The following PPP2R2B variants were observed in gnomAD, a reference collection of about 807,000 sequenced individuals.
PPP2R2B encodes protein phosphatase 2 regulatory subunit Bbeta.
Under a neutral mutation model 46.0 loss-of-function variants are expected in PPP2R2B, and 5 were observed. The observed-to-expected ratio is 0.11, with a 90% confidence interval of 0.06 to 0.23. The LOEUF is 0.23. Among genes scored for constraint, PPP2R2B ranks in the 10% least tolerant of loss-of-function variants. The probability of loss-of-function intolerance (pLI) is 1.00; values close to 1 mark genes in which losing one functional copy is unlikely to be tolerated. For synonymous variants in PPP2R2B, 215 were observed against 206.7 expected, an observed-to-expected ratio of 1.04 and a Z score of -0.34; for missense variants, 367 against 575.0, an observed-to-expected ratio of 0.64 and a Z score of 3.70.
Position 146,581,068 on chromosome 5 carries a change from C to T in PPP2R2B, c.*8879G>A, listed in dbSNP as rs1769873359. The stretch of plus-strand genomic sequence containing the variant: ...ATTCTCGAGTTTCAGCTGATTCTTT[C>T]ATCAAGAAACATCACAAATTACCTC... On this transcript the variant is annotated 3_prime_UTR_variant, in exon 10 of 10. Coordinates refer to ENST00000394411, the MANE Select transcript of PPP2R2B (RefSeq NM_181675.4). 1 of 152,142 alleles carries T rather than the reference C, an allele frequency of 6.6e-6. No homozygotes were observed. The highest frequency in any genetic ancestry group is 2.4e-5 in the African/African-American group (1 of 41,438). The allele number at this position is 152,142 out of a possible 1,614,324, so 9.4% of individuals were successfully genotyped here.
intron 1 of PPP2R2B, among the ~76,000 whole-genome samples, chr5:146,890,126 G>T (rs1022112496): frequency 6.6e-6 from 1 of 152,178 alleles, no homozygotes; most frequent in African/African-American, 2.4e-5. Context: ...AATTAAGTTG[G>T]CTTAACTCTC....
chr5:146,993,206 G>A (rs6875159), intron 1 of PPP2R2B, among the ~76,000 whole-genome samples: 307 of 151,158 alleles, frequency 2.0e-3, no homozygotes, highest in African/African-American at 7.1e-3. Flanking sequence ...GCCTCCCAAA[G>A]TGCTGGGGTT....
chr5:146,991,410 AGAGGCTAGGGATGG>A (rs1487840172), intron 1 of PPP2R2B, among the ~76,000 whole-genome samples: 1 of 152,150 alleles, frequency 6.6e-6, no homozygotes, highest in Non-Finnish European at 1.5e-5. Context: ...AGTGATTACC[AGAGGCTAGGGATGG>A]GAGGCGGGAG....
chr5:146,643,201 AGAGAGG>A (rs1372764617), intron 6 of PPP2R2B, among the ~76,000 whole-genome samples: 1 of 152,078 alleles, frequency 6.6e-6, no homozygotes, highest in African/African-American at 2.4e-5. Context: ...AGAGAGAGAG[AGAGAGG>A]GAGACAGACA....
chr5:146,803,677 C>T (rs1045868053), intron 2 of PPP2R2B, among the ~76,000 whole-genome samples: 2 of 152,114 alleles, frequency 1.3e-5, no homozygotes, highest in African/African-American at 4.8e-5. Flanking sequence ...GAAAGCTTAG[C>T]CCAGTCACCC....
chr5:146,962,564 G>A (rs1048230613), intron 1 of PPP2R2B, among the ~76,000 whole-genome samples: 8 of 152,004 alleles, frequency 5.3e-5, no homozygotes, highest in African/African-American at 1.7e-4. Flanking sequence ...GGATGAGGCA[G>A]GAGAATAGCT....
chr5:147,012,557 G>T (rs1313186233), intron 1 of PPP2R2B, among the ~76,000 whole-genome samples: 4 of 152,030 alleles, frequency 2.6e-5, no homozygotes, highest in East Asian at 1.9e-4. Flanking sequence ...TTTTTGAAGG[G>T]ATTTTTTGTG....
upstream of PPP2R2B, among the ~76,000 whole-genome samples, chr5:147,058,889 C>T (rs970425212): frequency 6.6e-6 from 1 of 152,268 alleles, no homozygotes; most frequent in East Asian, 1.9e-4. Context: ...ACTGGAATCA[C>T]CTGATGAGCT....
chr5:146,592,173 A>G (rs1201766337), intron 9 of PPP2R2B: 1 of 442,702 alleles, frequency 2.3e-6, no homozygotes, highest in African/African-American at 2.0e-5. Context: ...GTCCTTTGCC[A>G]CGTGGAGACT....
chr5:146,745,697 C>A (rs1387081069), intron 2 of PPP2R2B, among the ~76,000 whole-genome samples: 1 of 152,120 alleles, frequency 6.6e-6, no homozygotes, highest in African/African-American at 2.4e-5. Flanking sequence ...TGGTGGCTCA[C>A]GCCTGTAATC....
At chr5:146,914,783 T>A (rs1251138269) in intron 1 of PPP2R2B, among the ~76,000 whole-genome samples, 3 of 152,196 alleles carry the variant, frequency 2.0e-5, no homozygotes, top group Non-Finnish European at 4.4e-5. Context: ...AGACAGCAGA[T>A]TTGGTAGCCC....
Position 146,733,377 on chromosome 5 carries a change from G to A in PPP2R2B, c.71-32235C>T, listed in dbSNP as rs563671153. Among the ~76,000 whole-genome samples, 9 of 152,184 alleles carry A rather than the reference G, an allele frequency of 5.9e-5. No homozygotes were observed. In the South Asian group the frequency reaches 1.2e-3, roughly 21 times the overall value. On this transcript the variant is annotated intron_variant, in intron 2 of 9. Transcript: ENST00000394411. ...AATTGGGGGTGAGGGGCTTCTTCCA[G>A]TTTCAACACAGCAGATACCCCAACA... is the stretch of plus-strand genomic sequence containing the variant.
At chr5:146,691,867 C>T (rs1441930191) in intron 4 of PPP2R2B, among the ~76,000 whole-genome samples, 3 of 152,168 alleles carry the variant, frequency 2.0e-5, no homozygotes, top group Non-Finnish European at 4.4e-5. Flanking sequence ...AAGTCCTTTA[C>T]CCTCTTTTTC....
chr5:146,608,717 G>A (rs564822455), intron 7 of PPP2R2B, among the ~76,000 whole-genome samples: 5 of 152,078 alleles, frequency 3.3e-5, no homozygotes, highest in African/African-American at 1.2e-4. Flanking sequence ...CCCAGGAGGC[G>A]GAGGTTGCAG....
intron 2 of PPP2R2B, among the ~76,000 whole-genome samples, chr5:146,744,335 A>C (rs997507154): frequency 6.6e-6 from 1 of 152,186 alleles, no homozygotes; most frequent in Admixed American, 6.5e-5. Flanking sequence ...CAGCCAAAGA[A>C]GCAATGAAAG....
chr5:146,596,124 T>A (rs1212363186), intron 8 of PPP2R2B, among the ~76,000 whole-genome samples: 1 of 152,224 alleles, frequency 6.6e-6, no homozygotes, highest in Admixed American at 6.5e-5. Context: ...AGAAGATATG[T>A]AAATGACTGT....
chr5:146,749,939 A>G (rs1353109447), intron 2 of PPP2R2B, among the ~76,000 whole-genome samples: 1 of 151,948 alleles, frequency 6.6e-6, no homozygotes, highest in Non-Finnish European at 1.5e-5. Flanking sequence ...TTCACATTTT[A>G]TATCTAAGTC....
At chr5:146,860,954 A>G (rs1172919036) in intron 2 of PPP2R2B, among the ~76,000 whole-genome samples, 1 of 151,742 alleles carries the variant, frequency 6.6e-6, no homozygotes, top group Non-Finnish European at 1.5e-5. Flanking sequence ...TTTCACCCAG[A>G]TCTTCAGGTG....
rs973622670 is a variant in PPP2R2B at position 146,585,577 on chromosome 5, C to A, written c.*4370G>T. The A allele has an allele frequency of 2.0e-5, 3 of 152,148 alleles. No individual in the cohort carries two copies. The highest frequency in any genetic ancestry group is 4.8e-5 in the African/African-American group (2 of 41,448). 9.4% of individuals were successfully genotyped at this position (152,148 alleles called of 1,614,324 possible). A position where few individuals can be genotyped will look rare whatever the true frequency, so the allele number is the denominator to read the frequency against. ...CAGCTCTGGCTTTAGAGTCAGATAC[C>A]TTGAGTTGGAGTCCTGGTTCCATCT... On this transcript the variant is annotated 3_prime_UTR_variant, in exon 10 of 10. Coordinates refer to ENST00000394411, the MANE Select transcript of PPP2R2B (RefSeq NM_181675.4).
Sources: allele counts gnomAD v4.1 joint callset (sites outside exome capture counted in the v4.1 genomes callset), GRCh38; gene constraint gnomAD v4.1.1; transcripts MANE v1.5; gene names NCBI Gene and HGNC (gene_info 2026-07-23, HGNC 2026-07-21).